CACNB2: variants seen among roughly 807,000 people sequenced by gnomAD.
CACNB2 encodes the protein calcium voltage-gated channel auxiliary subunit beta 2.
A neutral mutation model predicts 73.3 loss-of-function variants in CACNB2; 42 were observed. That is an observed-to-expected ratio of 0.57 (90% CI 0.45 to 0.74). CACNB2 has a LOEUF of 0.74. Among genes scored for constraint, CACNB2 ranks in the 30% least tolerant of loss-of-function variants. The pLI, the probability that CACNB2 is intolerant of heterozygous loss-of-function variation, is 0.00. For missense variants in CACNB2, 940 were observed against 853.0 expected, an observed-to-expected ratio of 1.10 and a Z score of -1.27; for synonymous variants, 348 against 310.3, an observed-to-expected ratio of 1.12 and a Z score of -1.28.
chr10:18,350,226 CAA>C (rs1257034342), intron 2 of CACNB2, among the ~76,000 whole-genome samples: 1 of 151,868 alleles, frequency 6.6e-6, no homozygotes, highest in East Asian at 1.9e-4. Flanking sequence ...GCCTGGGCAA[CAA>C]GAGCAAAACT....
intron 2 of CACNB2, among the ~76,000 whole-genome samples, chr10:18,228,451 A>AAAAAAAAAAAAAAAAAAAAAAAAAAAG (rs1588766949): frequency 1.0e-5 from 1 of 95,476 alleles, no homozygotes. Flanking sequence ...AAAAAAAAAG[A>AAAAAAAAAAAAAAAAAAAAAAAAAAAG]AAAAAAAAAA....
At chr10:18,488,461 C>T (rs1009549685) in intron 3 of CACNB2, among the ~76,000 whole-genome samples, 2 of 105,400 alleles carry the variant, frequency 1.9e-5, no homozygotes, top group Non-Finnish European at 3.4e-5. Context: ...GGCGACAGAG[C>T]GAGACTCCAT....
At chr10:18,465,806 C>A (rs371894731) in intron 3 of CACNB2, among the ~76,000 whole-genome samples, 1 of 151,916 alleles carries the variant, frequency 6.6e-6, no homozygotes, top group Non-Finnish European at 1.5e-5. Context: ...CTCAGCCTCC[C>A]GAGTAGCTGG....
chr10:18,523,759 G>A (rs954353461), intron 9 of CACNB2, among the ~76,000 whole-genome samples: 9 of 152,132 alleles, frequency 5.9e-5, no homozygotes, highest in African/African-American at 2.2e-4. Flanking sequence ...AAAAGTATCA[G>A]GTGTGTATAT....
At chr10:18,171,655 AC>A (rs2033255978) in intron 2 of CACNB2, among the ~76,000 whole-genome samples, 1 of 147,584 alleles carries the variant, frequency 6.8e-6, no homozygotes, top group Admixed American at 6.9e-5. Flanking sequence ...TTCACACACC[AC>A]CGTTTGGACT....
chr10:18,425,907 C>T (rs1377760085), intron 3 of CACNB2, among the ~76,000 whole-genome samples: 1 of 152,106 alleles, frequency 6.6e-6, no homozygotes, highest in Non-Finnish European at 1.5e-5. Flanking sequence ...TCTGAAATGC[C>T]TGCTCAGTCA....
intron 2 of CACNB2, among the ~76,000 whole-genome samples, chr10:18,377,814 G>A (rs943282296): frequency 9.2e-5 from 14 of 152,176 alleles, no homozygotes; most frequent in African/African-American, 3.4e-4. Flanking sequence ...ATGCCACTTG[G>A]TAGAAAGCTG....
chr10:18,523,694 T>C (rs2052156178), intron 9 of CACNB2, among the ~76,000 whole-genome samples: 3 of 152,228 alleles, frequency 2.0e-5, no homozygotes, highest in Admixed American at 2.0e-4. Flanking sequence ...AACTGAATTA[T>C]TGACTGTCTT....
Position 18,538,177 on chromosome 10 carries a change from C to G in CACNB2, c.1303-3C>G. On this transcript the variant is annotated splice_polypyrimidine_tract_variant and splice_region_variant and intron_variant, in intron 12 of 13. Transcript: ENST00000324631. ...ATGTGGTCTGGAATGTCTGCCTCTGCAGGAGCTGTTCGATGTGATCTTGGA... is the reference window on the plus strand; with the variant it reads ...ATGTGGTCTGGAATGTCTGCCTCTGGAGGAGCTGTTCGATGTGATCTTGGA... The G allele has an allele frequency of 6.2e-7, 1 of 1,614,064 alleles. No homozygotes were observed. The highest frequency in any genetic ancestry group is 8.5e-7 in the Non-Finnish European group (1 of 1,179,972).
chr10:18,474,444 A>G (rs941024520), intron 3 of CACNB2, among the ~76,000 whole-genome samples: 2 of 152,192 alleles, frequency 1.3e-5, no homozygotes, highest in Non-Finnish European at 2.9e-5. Flanking sequence ...GCACCAAGCC[A>G]GGTGCTCAGG....
At chr10:18,349,086 C>T (rs575703236) in intron 2 of CACNB2, among the ~76,000 whole-genome samples, 1 of 152,330 alleles carries the variant, frequency 6.6e-6, no homozygotes, top group African/African-American at 2.4e-5. Context: ...TGCTTCTGCA[C>T]TCCAGCCCGA....
intron 2 of CACNB2, among the ~76,000 whole-genome samples, chr10:18,284,372 A>C (rs1389915779): frequency 6.6e-6 from 1 of 152,226 alleles, no homozygotes; most frequent in East Asian, 1.9e-4. Flanking sequence ...GCTACAATTC[A>C]AGATGAGATT....
intron 3 of CACNB2, among the ~76,000 whole-genome samples, chr10:18,431,522 C>T (rs375545057): frequency 6.6e-6 from 1 of 152,108 alleles, no homozygotes; most frequent in African/African-American, 2.4e-5. Context: ...GTGAAAATGT[C>T]AACATAAACA....
intron 1 of CACNB2, among the ~76,000 whole-genome samples, chr10:18,143,865 A>G (rs532431294): frequency 6.6e-6 from 1 of 152,314 alleles, no homozygotes; most frequent in East Asian, 1.9e-4. Flanking sequence ...GAATCATTCT[A>G]CCTCACCTCT....
intron 2 of CACNB2, among the ~76,000 whole-genome samples, chr10:18,214,767 C>T (rs1005975996): frequency 6.6e-6 from 1 of 151,754 alleles, no homozygotes; most frequent in Non-Finnish European, 1.5e-5. Flanking sequence ...AGTTTGGGGC[C>T]GTTGATGTAA....
chr10:18,423,348 GT>G (rs1440021055), intron 3 of CACNB2, among the ~76,000 whole-genome samples: 2 of 152,166 alleles, frequency 1.3e-5, no homozygotes, highest in African/African-American at 4.8e-5. Flanking sequence ...GAAACTTTCT[GT>G]TTGGTGCAGT....
intron 9 of CACNB2, among the ~76,000 whole-genome samples, chr10:18,523,665 A>G (rs1463522627): frequency 2.0e-5 from 3 of 152,312 alleles, no homozygotes; most frequent in Non-Finnish European, 2.9e-5. Flanking sequence ...ATTTTTACCC[A>G]TGGCAAGACA....
In CACNB2 at chr10:18,463,623, T is replaced by C. The variant is rs538361960; in HGVS notation, c.334-34732T>C. On this transcript the variant is annotated intron_variant, in intron 3 of 13. Coordinates refer to ENST00000324631, the MANE Select transcript of CACNB2 (RefSeq NM_201596.3). ...GTTTTTTGTTTTTTTTTTGTAGAGATGGGGTTTTGCCATGGTGCCCAGACT... is the reference window on the plus strand; with the variant it reads ...GTTTTTTGTTTTTTTTTTGTAGAGACGGGGTTTTGCCATGGTGCCCAGACT... 2.6e-5 allele frequency among the ~76,000 whole-genome samples: 4 copies of C among 151,612 alleles called. No homozygotes were observed. The South Asian group carries it at 8.3e-4, about 31-fold the overall frequency.
chr10:18,271,895 C>T (rs1486271535), intron 2 of CACNB2, among the ~76,000 whole-genome samples: 1 of 152,106 alleles, frequency 6.6e-6, no homozygotes, highest in Non-Finnish European at 1.5e-5. Context: ...CACCATTCTC[C>T]TCCATACCAC....
Sources: gnomAD v4.1 joint callset for allele counts (sites outside exome capture counted in the v4.1 genomes callset) on GRCh38, gnomAD v4.1.1 for gene constraint, MANE v1.5 for transcripts, NCBI Gene and HGNC (gene_info 2026-07-23, HGNC 2026-07-21) for gene names.